The following CDA variants were observed in gnomAD, a reference collection of about 807,000 sequenced individuals.
CDA encodes cytidine deaminase, also known as cytidine aminohydrolase.
A neutral mutation model predicts 15.0 loss-of-function variants in CDA; 7 were observed. That is an observed-to-expected ratio of 0.47 (90% CI 0.26 to 0.87). CDA has a LOEUF of 0.87. CDA is among the 40% of genes least tolerant of loss of function. The pLI is 0.15. For synonymous variants in CDA, 58 were observed against 73.0 expected, an observed-to-expected ratio of 0.79 and a Z score of 1.05; for missense variants, 159 against 182.7, an observed-to-expected ratio of 0.87 and a Z score of 0.75.
At chr1:20,599,022 T>C (rs537003290) in intron 1 of CDA, among the ~76,000 whole-genome samples, 1 of 152,202 alleles carries the variant, frequency 6.6e-6, no homozygotes, top group Non-Finnish European at 1.5e-5. Context: ...GAGAAATGGA[T>C]ACAGAGAGTT....
At chr1:20,589,397 C>A in intron 1 of CDA, 114 bp downstream of exon 1, 1 of 996,622 alleles carries the variant, frequency 1.0e-6, no homozygotes, top group Non-Finnish European at 1.5e-6. Context: ...CGGCTCTGTC[C>A]CTTCTTCCCC....
At chr1:20,598,457 T>G (rs779681090) in intron 1 of CDA, among the ~76,000 whole-genome samples, 30 of 152,206 alleles carry the variant, frequency 2.0e-4, no homozygotes, top group Non-Finnish European at 2.5e-4. Flanking sequence ...CCTTTATAAA[T>G]TACCTAGTCT....
chr1:20,610,274 A>ATTTTTTTTTTTTTTTTT (rs1570385119), intron 2 of CDA, among the ~76,000 whole-genome samples: 2 of 120,844 alleles, frequency 1.7e-5, no homozygotes, highest in African/African-American at 3.1e-5. Context: ...TTTTTTTTTT[A>ATTTTTTTTTTTTTTTTT]TTTTATTTTA....
intron 1 of CDA, among the ~76,000 whole-genome samples, chr1:20,601,240 G>A (rs530014194): frequency 3.3e-5 from 5 of 152,178 alleles, no homozygotes; most frequent in African/African-American, 7.2e-5. Flanking sequence ...GAAACATGGC[G>A]GCCCACACTC....
At position 20,589,237 on chromosome 1, in the gene CDA, T is replaced by A. The variant is rs768820554; in HGVS notation, c.108T>A (p.Phe36Leu). 9.3e-6 allele frequency: 15 copies of A among 1,613,708 alleles called. No homozygotes were observed. The highest frequency in any genetic ancestry group is 2.7e-5 in the African/African-American group (2 of 74,916). ...CAGCCTACTGCCCCTACAGTCACTT[T>A]CCTGTGGGGGCTGCCCTGCTCACCC... The part of the protein sequence containing the change: ...KKSAYCPYSH[F>L]PVGAALLTQE... The change falls in exon 1 of 4, where the codon TTT becomes TTA. Residue 36 changes from phenylalanine to leucine, a missense_variant. Coordinates refer to ENST00000375071, the MANE Select transcript of CDA (RefSeq NM_001785.3).
chr1:20,592,605 G>A (rs1317633095), intron 1 of CDA, among the ~76,000 whole-genome samples: 1 of 152,162 alleles, frequency 6.6e-6, no homozygotes, highest in Non-Finnish European at 1.5e-5. Flanking sequence ...CAGTGTCAGG[G>A]TACAGTATCT....
At chr1:20,604,475 C>T (rs1453554052) in intron 1 of CDA, among the ~76,000 whole-genome samples, 6 of 152,202 alleles carry the variant, frequency 3.9e-5, no homozygotes, top group Admixed American at 3.9e-4. Flanking sequence ...CCAAAGGCCC[C>T]ACTTCCTAAT....
rs779268592 is a variant in CDA, at chr1:20,605,032, A to G, written c.259A>G (p.Ile87Val). The G allele has an allele frequency of 5.0e-6, 8 of 1,605,434 alleles. No homozygotes were observed. Among genetic ancestry groups the G allele is most frequent in the Non-Finnish European group, 6.0e-6 (7 of 1,172,256 alleles). Residue 87 changes from isoleucine to valine, a missense_variant, in exon 2 of 4, where the codon ATC becomes GTC. By Grantham distance (29) the Ile-to-Val change is conservative. Transcript: ENST00000375071. ...GTACAAGGATTTCAGGGCAATTGCT[A>G]TCGCCAGGTGAGTGGGAAAGCCAGG... is the stretch of plus-strand genomic sequence containing the variant. ...EGYKDFRAIA[I>V]ASDMQDDFIS...
At chr1:20,606,439 A>G (rs1325966676) in intron 2 of CDA, among the ~76,000 whole-genome samples, 1 of 151,960 alleles carries the variant, frequency 6.6e-6, no homozygotes, top group African/African-American at 2.4e-5. Context: ...AAGTTGAACA[A>G]CTTTCCTGGG....
intron 2 of CDA, among the ~76,000 whole-genome samples, chr1:20,606,425 C>T (rs1313210720): frequency 6.6e-6 from 1 of 152,008 alleles, no homozygotes; most frequent in Non-Finnish European, 1.5e-5. Flanking sequence ...ATTGAGGCCC[C>T]GATAAGTTGA....
chr1:20,605,682 T>G lies in CDA; in HGVS notation c.266+643T>G, dbSNP rs1179334208. ...CTCAAAAAAAAAAAAAATTTTTTTT[T>G]GCTGATGGTGGCATGCCCATAGTCC... is the stretch of plus-strand genomic sequence containing the variant. On this transcript the variant is annotated intron_variant, in intron 2 of 3. Transcript: ENST00000375071. Among the ~76,000 whole-genome samples the G allele has an allele frequency of 1.7e-5, 2 of 116,746 alleles. 1 individual carries two copies. The highest frequency in any genetic ancestry group is 6.1e-5 in the African/African-American group (2 of 32,864). The allele number at this position is 116,746 out of a possible 152,430, so 76.6% of individuals were successfully genotyped here.
At position 20,603,460 on chromosome 1, in the gene CDA, G is replaced by A. The variant is rs2052665772; in HGVS notation, c.155-1468G>A. Among the ~76,000 whole-genome samples, 2 of 152,098 alleles carry A rather than the reference G, an allele frequency of 1.3e-5. 1 individual carries two copies. Among genetic ancestry groups the A allele is most frequent in the South Asian group, 4.1e-4 (2 of 4,824 alleles). ...CCCACCCCATCACCTCCACCTTCCA[G>A]TCTGTGGAAGGAGAAAAGAATGGAA... On this transcript the variant is annotated intron_variant, in intron 1 of 3. Coordinates refer to ENST00000375071, the MANE Select transcript of CDA (RefSeq NM_001785.3).
Position 20,589,239 on chromosome 1 carries a change from C to G in CDA, c.110C>G (p.Pro37Arg), listed in dbSNP as rs1226574893. Residue 37 changes from proline to arginine, a missense_variant, in exon 1 of 4, where the codon CCT (proline) becomes CGT (arginine). Transcript: ENST00000375071. The part of the protein sequence containing the change: ...KSAYCPYSHF[P>R]VGAALLTQEG... ...GCCTACTGCCCCTACAGTCACTTTC[C>G]TGTGGGGGCTGCCCTGCTCACCCAG... 1 of 1,613,866 alleles carries G rather than the reference C, an allele frequency of 6.2e-7. No homozygotes were observed.
intron 1 of CDA, among the ~76,000 whole-genome samples, chr1:20,589,937 G>A (rs1256567226): frequency 6.6e-6 from 1 of 152,238 alleles, no homozygotes; most frequent in Non-Finnish European, 1.5e-5. Context: ...GCGGGGGCGG[G>A]TAATGGAACC....
chr1:20,599,132 C>T (rs894127173), intron 1 of CDA, among the ~76,000 whole-genome samples: 6 of 152,006 alleles, frequency 3.9e-5, no homozygotes, highest in Admixed American at 2.0e-4. Flanking sequence ...GTGAATAGTG[C>T]GCAAAAGGGA....
At chr1:20,602,607 A>C (rs1187409867) in intron 1 of CDA, among the ~76,000 whole-genome samples, 2 of 152,008 alleles carry the variant, frequency 1.3e-5, no homozygotes, top group Non-Finnish European at 2.9e-5. Flanking sequence ...TATTTTTAGT[A>C]GACAGGGTTT....
At chr1:20,616,197 C>T (rs1392176580) in intron 3 of CDA, among the ~76,000 whole-genome samples, 1 of 152,190 alleles carries the variant, frequency 6.6e-6, no homozygotes, top group African/African-American at 2.4e-5. Context: ...GTGCTCCTCA[C>T]GGCTGCCTCT....
At chr1:20,615,485 A>AAAG (rs57067083) in intron 3 of CDA, among the ~76,000 whole-genome samples, 3 of 147,610 alleles carry the variant, frequency 2.0e-5, no homozygotes, top group African/African-American at 7.4e-5. Flanking sequence ...AAAAAAAAAA[A>AAAG]GGAATAAAAC....
chr1:20,601,708 G>T (rs1170540072), intron 1 of CDA, among the ~76,000 whole-genome samples: 2 of 152,184 alleles, frequency 1.3e-5, no homozygotes, highest in Non-Finnish European at 2.9e-5. Flanking sequence ...ACATGCCAAT[G>T]TAAATAATGA....
Sources: allele counts gnomAD v4.1 joint callset (sites outside exome capture counted in the v4.1 genomes callset), GRCh38; gene constraint gnomAD v4.1.1; transcripts MANE v1.5; gene names NCBI Gene and HGNC (gene_info 2026-07-23, HGNC 2026-07-21).